MTUS2: variants seen among roughly 807,000 people sequenced by gnomAD.
The protein encoded by MTUS2 is microtubule associated scaffold protein 2.
In MTUS2, 40 loss-of-function variants were observed where a neutral mutation model predicts 114.1. That is an observed-to-expected ratio of 0.35 (90% confidence interval 0.27 to 0.46). The LOEUF (loss-of-function observed/expected upper bound fraction) is 0.46. Ranked by LOEUF, MTUS2 falls within the 20% of genes least tolerant of loss-of-function variation. The probability of loss-of-function intolerance (pLI) is 1.00; values close to 1 mark genes in which losing one functional copy is unlikely to be tolerated. For missense variants in MTUS2, 1,679 were observed against 1,705.4 expected (o/e 0.98, Z 0.27); for synonymous variants, 688 against 672.0 (o/e 1.02, Z -0.37).
At chr13:28,890,331 A>T (rs1878844327) in intron 2 of MTUS2, among the ~76,000 whole-genome samples, 1 of 152,180 alleles carries the variant, frequency 6.6e-6, no homozygotes, top group South Asian at 2.1e-4. Context: ...TGTTTGGCTT[A>T]GCCTCATCTG....
rs144067838 is a variant in MTUS2 at position 29,412,367 on chromosome 13, A to G, written c.3118-27616A>G. Reference sequence around the variant, plus strand: ...ATAATAATATTTTCCCCTTAGATCTATCAGTATTGGTTTTCTAATATGGAA... The same window carrying G: ...ATAATAATATTTTCCCCTTAGATCTGTCAGTATTGGTTTTCTAATATGGAA... On this transcript the variant is annotated intron_variant, in intron 8 of 15. Transcript: ENST00000612955. Among the ~76,000 whole-genome samples the G allele has an allele frequency of 1.9e-4, 29 of 152,312 alleles. 1 individual carries two copies. In the East Asian group the frequency reaches 5.0e-3, roughly 26 times the overall value.
At chr13:29,315,528 T>A (rs944230186) in intron 6 of MTUS2, among the ~76,000 whole-genome samples, 1 of 152,152 alleles carries the variant, frequency 6.6e-6, no homozygotes, top group Non-Finnish European at 1.5e-5. Context: ...AAGAATTAAT[T>A]GCTGGACTGT....
chr13:29,420,094 T>G (rs553089388), intron 8 of MTUS2, among the ~76,000 whole-genome samples: 65 of 152,214 alleles, frequency 4.3e-4, no homozygotes, highest in African/African-American at 1.4e-3. Flanking sequence ...GTAGATAGTT[T>G]TATCTCCATC....
intron 2 of MTUS2, among the ~76,000 whole-genome samples, chr13:28,871,330 C>T (rs565116293): frequency 6.6e-5 from 10 of 152,202 alleles, no homozygotes; most frequent in Middle Eastern, 3.4e-3. Flanking sequence ...AAGGTTTTGA[C>T]GTGTCCTAGT....
intron 5 of MTUS2, among the ~76,000 whole-genome samples, chr13:29,241,823 G>C (rs1269693793): frequency 6.6e-6 from 1 of 152,036 alleles, no homozygotes; most frequent in African/African-American, 2.4e-5. Context: ...ATTGACTTAC[G>C]TTCTGGCAGT....
chr13:29,218,531 T>G (rs1157102551), intron 5 of MTUS2, among the ~76,000 whole-genome samples: 1 of 152,272 alleles, frequency 6.6e-6, no homozygotes, highest in Non-Finnish European at 1.5e-5. Context: ...CCCAGATCCA[T>G]TAAGGGAATC....
At chr13:28,902,846 G>C (rs532286067) in intron 2 of MTUS2, among the ~76,000 whole-genome samples, 96 of 152,208 alleles carry the variant, frequency 6.3e-4, no homozygotes, top group African/African-American at 2.1e-3. Flanking sequence ...AATGATTTGG[G>C]AAGTGTTTTC....
At chr13:28,897,317 A>G (rs1383662581) in intron 2 of MTUS2, among the ~76,000 whole-genome samples, 2 of 152,252 alleles carry the variant, frequency 1.3e-5, no homozygotes, top group Non-Finnish European at 2.9e-5. Flanking sequence ...ATCACTGGCC[A>G]TCAGAGAAAT....
intron 4 of MTUS2, among the ~76,000 whole-genome samples, chr13:29,053,281 G>T (rs1254823470): frequency 6.6e-6 from 1 of 152,166 alleles, no homozygotes; most frequent in African/African-American, 2.4e-5. Context: ...CTTTACAGAT[G>T]AGGCTCAGGG....
At chr13:28,964,544 C>A (rs1381310997) in intron 2 of MTUS2, among the ~76,000 whole-genome samples, 1 of 151,894 alleles carries the variant, frequency 6.6e-6, no homozygotes. Context: ...CACTGCCTGG[C>A]ACTTGAGAGG....
intron 8 of MTUS2, chr13:29,428,986 C>G (rs1876792092): frequency 7.7e-7 from 1 of 1,303,646 alleles, no homozygotes; most frequent in Non-Finnish European, 1.1e-6. Context: ...GCCTGTCCCC[C>G]TAGCATGCGT....
intron 2 of MTUS2, among the ~76,000 whole-genome samples, chr13:28,982,670 A>G (rs1341604400): frequency 1.3e-5 from 2 of 152,260 alleles, no homozygotes; most frequent in Non-Finnish European, 2.9e-5. Context: ...AGGTCTGTAC[A>G]TAACAGTGGA....
chr13:29,459,129 G>A (rs559744566), intron 9 of MTUS2, among the ~76,000 whole-genome samples: 8 of 152,342 alleles, frequency 5.3e-5, no homozygotes, highest in African/African-American at 9.6e-5. Context: ...TTGCCTGCAC[G>A]AAGCTTCCAA....
intron 4 of MTUS2, among the ~76,000 whole-genome samples, chr13:29,093,216 G>A (rs564197400): frequency 1.8e-4 from 27 of 152,242 alleles, no homozygotes; most frequent in African/African-American, 5.3e-4. Context: ...AGACTAAGAC[G>A]GGCAGATCAC....
At chr13:29,043,544 A>G (rs1923519) in intron 4 of MTUS2, among the ~76,000 whole-genome samples, 67,218 of 151,428 alleles carry the variant, frequency 0.44, 15,232 homozygotes, top group Admixed American at 0.5. Context: ...GTCTCCCACT[A>G]TTATTTTATT....
chr13:29,084,522 C>A (rs1889585203), intron 4 of MTUS2, among the ~76,000 whole-genome samples: 2 of 51,876 alleles, frequency 3.9e-5, no homozygotes, highest in Admixed American at 1.7e-4. Context: ...CCCCTCCCCT[C>A]CCCTCTCCCC....
chr13:29,398,774 C>CCA (rs996464367), intron 8 of MTUS2, among the ~76,000 whole-genome samples: 2 of 152,022 alleles, frequency 1.3e-5, no homozygotes, highest in African/African-American at 4.8e-5. Flanking sequence ...CACACACAAC[C>CCA]CACACATAAA....
intron 4 of MTUS2, among the ~76,000 whole-genome samples, chr13:29,058,937 G>A (rs1157566602): frequency 6.6e-6 from 1 of 152,036 alleles, no homozygotes; most frequent in Non-Finnish European, 1.5e-5. Flanking sequence ...TCTTAAAATG[G>A]CCATTTCATC....
chr13:29,086,046 A>AT (rs1593460335), intron 4 of MTUS2, among the ~76,000 whole-genome samples: 1 of 152,022 alleles, frequency 6.6e-6, no homozygotes, highest in Non-Finnish European at 1.5e-5. Context: ...GATGTTGAGC[A>AT]TTTTTTCATA....
Sources: gnomAD v4.1 joint callset for allele counts (sites outside exome capture counted in the v4.1 genomes callset) on GRCh38, gnomAD v4.1.1 for gene constraint, MANE v1.5 for transcripts, NCBI Gene and HGNC (gene_info 2026-07-23, HGNC 2026-07-21) for gene names.